Variants in TMEM200A observed in about 807,000 individuals in gnomAD.
TMEM200A encodes two transmembrane C.
A neutral mutation model predicts 24.3 loss-of-function variants in TMEM200A; 12 were observed. The observed-to-expected ratio is 0.49, with a 90% CI of 0.32 to 0.80. The LOEUF (loss-of-function observed/expected upper bound fraction) is 0.80. TMEM200A is among the 30% of genes least tolerant of loss of function. The pLI is 0.04. For missense variants in TMEM200A, 545 were observed against 614.4 expected (o/e 0.89, Z 1.19); for synonymous variants, 224 against 224.4 (o/e 1.00, Z 0.02).
intron 2 of TMEM200A, among the ~76,000 whole-genome samples, chr6:130,387,007 G>T (rs1455261636): frequency 6.6e-6 from 1 of 152,138 alleles, no homozygotes; most frequent in African/African-American, 2.4e-5. Context: ...ATCCTTTAAT[G>T]CTGTTGAAGT....
At chr6:130,384,326 G>T (rs992065057) in intron 1 of TMEM200A, among the ~76,000 whole-genome samples, 3 of 152,058 alleles carry the variant, frequency 2.0e-5, no homozygotes, top group Non-Finnish European at 4.4e-5. Context: ...TTTTATTTTT[G>T]TTTTATTTAT....
intron 2 of TMEM200A, among the ~76,000 whole-genome samples, chr6:130,433,076 CT>C (rs1392394748): frequency 6.6e-6 from 1 of 151,904 alleles, no homozygotes; most frequent in South Asian, 2.1e-4. Flanking sequence ...ACATGGGCCC[CT>C]GTCTCTCTGA....
chr6:130,441,048 C>G lies in TMEM200A; in HGVS notation c.626C>G (p.Thr209Arg), dbSNP rs145944902. The stretch of plus-strand genomic sequence containing the variant: ...TGTGCCTCGAGATTGGCAGCAAATA[C>G]GATCGCCTCTTTCTCGGGTTTTCGG... Reference protein sequence around the residue: ...SSCASRLAANTIASFSGFRSS... With the variant: ...SSCASRLAANRIASFSGFRSS... Residue 209 changes from threonine (T) to arginine (R), a missense_variant, in exon 3 of 3, where the codon ACG becomes AGG. By Grantham distance (71) the Thr-to-Arg change is moderately conservative. Coordinates refer to ENST00000296978, the MANE Select transcript of TMEM200A (RefSeq NM_001258277.2). 73 of 1,613,886 alleles carry G rather than the reference C, an allele frequency of 4.5e-5. 1 individual carries two copies. The African/African-American group carries it at 8.8e-4, about 19-fold the overall frequency.
At chr6:130,369,092 G>C (rs1305177720) in intron 1 of TMEM200A, among the ~76,000 whole-genome samples, 2 of 152,172 alleles carry the variant, frequency 1.3e-5, no homozygotes, top group Non-Finnish European at 2.9e-5. Flanking sequence ...ATGGCAAAGA[G>C]AAGTAAAAGA....
intron 2 of TMEM200A, among the ~76,000 whole-genome samples, chr6:130,388,496 T>C (rs1778763476): frequency 6.6e-6 from 1 of 152,224 alleles, no homozygotes. Context: ...TCTGTAGATG[T>C]TAAATGTGGA....
At chr6:130,365,662 G>A, upstream of TMEM200A, 3 of 985,458 alleles carry the variant, frequency 3.0e-6, no homozygotes, top group Non-Finnish European at 3.6e-6. Flanking sequence ...CGGGCCCCAC[G>A]GGTGGGTGTG....
intron 1 of TMEM200A, among the ~76,000 whole-genome samples, chr6:130,374,332 A>G (rs1378783607): frequency 3.3e-5 from 5 of 152,090 alleles, no homozygotes. Flanking sequence ...GTCCATGGCT[A>G]TGTCCCTAGC....
chr6:130,403,296 C>T (rs1779128849), intron 2 of TMEM200A, among the ~76,000 whole-genome samples: 1 of 152,076 alleles, frequency 6.6e-6, no homozygotes, highest in Admixed American at 6.6e-5. Flanking sequence ...ATTTTCTTTT[C>T]AGATGTTCAG....
intron 2 of TMEM200A, among the ~76,000 whole-genome samples, chr6:130,410,514 C>A (rs548569049): frequency 6.6e-6 from 1 of 152,112 alleles, no homozygotes; most frequent in African/African-American, 2.4e-5. Context: ...CCTCATATTT[C>A]TCTGAAATTG....
At chr6:130,412,974 A>T (rs544723436) in intron 2 of TMEM200A, among the ~76,000 whole-genome samples, 6 of 152,350 alleles carry the variant, frequency 3.9e-5, no homozygotes, top group African/African-American at 1.2e-4. Context: ...ATGTATATTT[A>T]TAACATATCT....
At chr6:130,397,495 T>C (rs1778978590) in intron 2 of TMEM200A, among the ~76,000 whole-genome samples, 2 of 152,092 alleles carry the variant, frequency 1.3e-5, no homozygotes, top group South Asian at 2.1e-4. Flanking sequence ...TTTTCATCCT[T>C]AATAATGTTT....
At chr6:130,425,646 A>G (rs572511762) in intron 2 of TMEM200A, among the ~76,000 whole-genome samples, 7 of 152,322 alleles carry the variant, frequency 4.6e-5, no homozygotes, top group South Asian at 2.1e-4. Flanking sequence ...CAAAAATTGT[A>G]TAGTCAGAAC....
At chr6:130,404,216 T>C (rs1043529268) in intron 2 of TMEM200A, among the ~76,000 whole-genome samples, 1 of 152,224 alleles carries the variant, frequency 6.6e-6, no homozygotes, top group Non-Finnish European at 1.5e-5. Context: ...CTGAGTCCAA[T>C]GGTATTTCTG....
intron 2 of TMEM200A, among the ~76,000 whole-genome samples, chr6:130,424,789 C>A (rs1271022316): frequency 6.6e-6 from 1 of 152,096 alleles, no homozygotes; most frequent in East Asian, 1.9e-4. Flanking sequence ...TGAATTCTGT[C>A]TTTTGCTTGG....
chr6:130,383,157 A>G (rs1269192384), intron 1 of TMEM200A: 1 of 678,818 alleles, frequency 1.5e-6, no homozygotes, highest in Non-Finnish European at 1.8e-6. Flanking sequence ...TGTCCGTAGC[A>G]TCGGGCAAGA....
rs1486348123 is a variant in TMEM200A, at chr6:130,442,614, T to G, written c.*716T>G. 1 of 166,778 alleles carries G rather than the reference T, an allele frequency of 6.0e-6. No individual in the cohort carries two copies. The highest frequency in any genetic ancestry group is 1.9e-4 in the East Asian group (1 of 5,208). 10.3% of individuals were successfully genotyped at this position (166,778 alleles called of 1,614,324 possible). ...AACGTTAGATACTCGGAATCAAAATTTATTTGCAAGCTGACTTGATAAACT... is the reference window on the plus strand; with the variant it reads ...AACGTTAGATACTCGGAATCAAAATGTATTTGCAAGCTGACTTGATAAACT... On this transcript the variant is annotated 3_prime_UTR_variant, in exon 3 of 3. Transcript: ENST00000296978.
intron 2 of TMEM200A, among the ~76,000 whole-genome samples, chr6:130,418,493 C>G (rs1048622196): frequency 7.9e-5 from 12 of 152,168 alleles, no homozygotes; most frequent in African/African-American, 2.9e-4. Context: ...AAAATTCAGT[C>G]TAGTTCATAG....
At chr6:130,377,174 T>G (rs1239460799) in intron 1 of TMEM200A, among the ~76,000 whole-genome samples, 1 of 152,176 alleles carries the variant, frequency 6.6e-6, no homozygotes, top group Non-Finnish European at 1.5e-5. Flanking sequence ...GGAAAGAGTT[T>G]TGCAATAAGA....
At chr6:130,408,212 A>G (rs776124016) in intron 2 of TMEM200A, among the ~76,000 whole-genome samples, 6 of 152,206 alleles carry the variant, frequency 3.9e-5, no homozygotes, top group Non-Finnish European at 8.8e-5. Context: ...TCGAAACCCA[A>G]TGAGGGTCTT....
Sources: allele counts gnomAD v4.1 joint callset (sites outside exome capture counted in the v4.1 genomes callset), GRCh38; gene constraint gnomAD v4.1.1; transcripts MANE v1.5; gene names NCBI Gene and HGNC (gene_info 2026-07-23, HGNC 2026-07-21).